The following SLCO1A2 variants were observed in gnomAD, a reference collection of about 807,000 sequenced individuals.
SLCO1A2 encodes the protein solute carrier organic anion transporter family member 1A2, also known as OATP-1.
Under a neutral mutation model 69.0 loss-of-function variants are expected in SLCO1A2, and 67 were observed. That is an observed-to-expected ratio of 0.97 (90% CI 0.80 to 1.19). The LOEUF (loss-of-function observed/expected upper bound fraction) is 1.19. Among genes scored for constraint, SLCO1A2 ranks in the 50% most tolerant of loss-of-function variants. SLCO1A2 has a pLI of 0.00. For missense variants in SLCO1A2, 787 were observed against 793.7 expected, an observed-to-expected ratio of 0.99 and a Z score of 0.10; for synonymous variants, 260 against 265.9, an observed-to-expected ratio of 0.98 and a Z score of 0.22.
At chr12:21,369,212 G>A (rs1164002030) in intron 2 of SLCO1A2, among the ~76,000 whole-genome samples, 1 of 152,078 alleles carries the variant, frequency 6.6e-6, no homozygotes, top group African/African-American at 2.4e-5. Flanking sequence ...ATTATATCCT[G>A]ACACTCATGT....
intron 1 of SLCO1A2, among the ~76,000 whole-genome samples, chr12:21,404,152 T>C (rs1230077199): frequency 6.6e-6 from 1 of 152,130 alleles, no homozygotes; most frequent in Non-Finnish European, 1.5e-5. Context: ...AGTAAAAGAT[T>C]AGGGGCTATG....
chr12:21,354,866 T>C (rs1026665518), intron 2 of SLCO1A2: 5 of 152,168 alleles, frequency 3.3e-5, no homozygotes. Context: ...CTTCTCAGTA[T>C]GACTCATGAA....
At chr12:21,373,289 A>G in intron 2 of SLCO1A2, 1 of 1,092,400 alleles carries the variant, frequency 9.2e-7, no homozygotes, top group Non-Finnish European at 1.4e-6. Context: ...TACATCAATT[A>G]GAACTGTAAG....
chr12:21,418,814 G>A (rs1286278942), upstream of SLCO1A2, among the ~76,000 whole-genome samples: 1 of 152,048 alleles, frequency 6.6e-6, no homozygotes, highest in Non-Finnish European at 1.5e-5. Context: ...TAGTAGTGAT[G>A]GTCTAGAACA....
chr12:21,336,307 G>A (rs1952887913), upstream of SLCO1A2, among the ~76,000 whole-genome samples: 2 of 151,914 alleles, frequency 1.3e-5, no homozygotes, highest in African/African-American at 4.8e-5. Context: ...TATAGCCAGA[G>A]GGCATAAAAG....
intron 1 of SLCO1A2, among the ~76,000 whole-genome samples, chr12:21,400,908 G>A (rs1398258327): frequency 6.9e-5 from 10 of 145,196 alleles, no homozygotes; most frequent in East Asian, 2.0e-4. Flanking sequence ...GGATAGCATC[G>A]GGAGATATAC....
intron 2 of SLCO1A2, among the ~76,000 whole-genome samples, chr12:21,351,896 A>T (rs966433197): frequency 2.0e-5 from 3 of 152,206 alleles, no homozygotes; most frequent in Non-Finnish European, 4.4e-5. Flanking sequence ...GAGGTCAGAT[A>T]AATACTACAC....
chr12:21,284,253 G>A (rs1479329008), intron 12 of SLCO1A2, among the ~76,000 whole-genome samples: 1 of 152,054 alleles, frequency 6.6e-6, no homozygotes, highest in Admixed American at 6.6e-5. Context: ...AAAGAATGAG[G>A]GGGAGGAGCC....
In SLCO1A2 at chr12:21,292,191, G is replaced by T. The variant is rs531004465; in HGVS notation, c.1583C>A (p.Ala528Asp). The change falls in exon 12 of 15, where the codon GCC (alanine) becomes GAC (aspartate). Residue 528 changes from alanine to aspartate, a missense_variant. Ala to Asp is a moderately radical substitution (Grantham distance 126). Transcript: ENST00000683939. ...AMSSFIYSLA[A>D]IPGYMVLLRC... ...CAAGAGAACCATATATCCAGGTATG[G>T]CAGCCAAAGAATAAATGAAACTGCT... 1 of 1,604,914 alleles carries T rather than the reference G, an allele frequency of 6.2e-7. No homozygotes were observed. Among genetic ancestry groups the T allele is most frequent in the African/African-American group, 1.3e-5 (1 of 74,446 alleles).
intron 1 of SLCO1A2, chr12:21,376,322 G>T: frequency 2.8e-6 from 1 of 352,476 alleles, no homozygotes; most frequent in East Asian, 9.1e-5. Context: ...CTTTTTTTGA[G>T]ATGTTTGGAC....
chr12:21,280,408 C>T (rs1396122014), intron 12 of SLCO1A2, among the ~76,000 whole-genome samples: 1 of 150,800 alleles, frequency 6.6e-6, no homozygotes, highest in Non-Finnish European at 1.5e-5. Flanking sequence ...CAATAGAAAC[C>T]AAAAAAGAGC....
chr12:21,396,583 AG>A (rs1218992165), upstream of SLCO1A2, among the ~76,000 whole-genome samples: 1 of 151,878 alleles, frequency 6.6e-6, no homozygotes, highest in Non-Finnish European at 1.5e-5. Context: ...GATTCACCAA[AG>A]GTGAAATGAA....
At chr12:21,275,500 T>A in intron 12 of SLCO1A2, 76 bp from the exon 13 acceptor site, 1 of 1,281,170 alleles carries the variant, frequency 7.8e-7, no homozygotes, top group Non-Finnish European at 1.0e-6. Flanking sequence ...AAAGGCCAGT[T>A]GTAAGCTAGT....
At chr12:21,303,113 C>A (rs1298683896) in intron 6 of SLCO1A2, among the ~76,000 whole-genome samples, 1 of 152,098 alleles carries the variant, frequency 6.6e-6, no homozygotes, top group African/African-American at 2.4e-5. Flanking sequence ...CACACATGAA[C>A]ACACACTATA....
chr12:21,301,448 G>A (rs754049742), intron 6 of SLCO1A2, among the ~76,000 whole-genome samples, 179 bp from the exon 7 acceptor site: 20 of 152,112 alleles, frequency 1.3e-4, no homozygotes, highest in Non-Finnish European at 2.2e-4. Flanking sequence ...TGTAAATGTT[G>A]AAAAAGAAGC....
chr12:21,316,951 T>A (rs2136729331), intron 3 of SLCO1A2, among the ~76,000 whole-genome samples: 1 of 152,338 alleles, frequency 6.6e-6, no homozygotes, highest in East Asian at 1.9e-4. Context: ...ATTGACACAA[T>A]AATTACTTTA....
chr12:21,401,224 A>T (rs917525854), intron 1 of SLCO1A2, among the ~76,000 whole-genome samples: 3 of 151,942 alleles, frequency 2.0e-5, no homozygotes, highest in African/African-American at 7.2e-5. Context: ...GTAAATCACA[A>T]AAAAGTTCCT....
chr12:21,274,417 T>C (rs1360879575), intron 14 of SLCO1A2, 52 bp downstream of exon 14: 6 of 1,199,608 alleles, frequency 5.0e-6, no homozygotes, highest in Non-Finnish European at 6.2e-6. Flanking sequence ...TGGTGCTGCG[T>C]TATGCACAGT....
intron 2 of SLCO1A2, among the ~76,000 whole-genome samples, chr12:21,349,341 C>T (rs1937747838): frequency 6.6e-6 from 1 of 152,088 alleles, no homozygotes; most frequent in Admixed American, 6.6e-5. Flanking sequence ...TGCTGAGAGG[C>T]CCAGATGAAA....
Sources: allele counts gnomAD v4.1 joint callset (sites outside exome capture counted in the v4.1 genomes callset), GRCh38; gene constraint gnomAD v4.1.1; transcripts MANE v1.5; gene names NCBI Gene and HGNC (gene_info 2026-07-23, HGNC 2026-07-21).